Variants in AGAP1 observed in about 807,000 individuals in gnomAD.
AGAP1 encodes arf-GAP with GTPase, ANK repeat and PH domain-containing protein 1.
A neutral mutation model predicts 105.3 loss-of-function variants in AGAP1; 29 were observed. The ratio of observed to expected loss-of-function variants is 0.28; its 90% CI spans 0.21 to 0.38. The LOEUF is 0.38. AGAP1 is among the 10% of genes least tolerant of loss of function. The pLI is 1.00. For missense variants in AGAP1, 998 were observed against 1,165.1 expected (o/e 0.86, Z 2.09); for synonymous variants, 509 against 485.9 (o/e 1.05, Z -0.63).
chr2:235,753,437 G>C lies in AGAP1; in HGVS notation c.673+2949G>C, dbSNP rs1327500404. Among the ~76,000 whole-genome samples, 1 of 152,138 alleles carries C rather than the reference G, an allele frequency of 6.6e-6. No homozygotes were observed. Among genetic ancestry groups the C allele is most frequent in the Non-Finnish European group, 1.5e-5 (1 of 68,020 alleles). On this transcript the variant is annotated intron_variant, in intron 6 of 17. Transcript: ENST00000304032. This position sits in a 1 kb window ranked among gnomAD's most constrained non-coding sequence, Gnocchi z 4.5. ...ATTCGGATTTTGGCTGGGCGCAGTG[G>C]CTCAGGCCTGTAATCCCAACACTTT... is the stretch of plus-strand genomic sequence containing the variant.
At chr2:236,072,959 A>C (rs2058542353) in intron 16 of AGAP1, among the ~76,000 whole-genome samples, 1 of 152,132 alleles carries the variant, frequency 6.6e-6, no homozygotes, top group South Asian at 2.1e-4. Flanking sequence ...TCAATTCAGC[A>C]TAGCAAGCAA....
rs1191428385 is a variant in AGAP1, at chr2:235,750,897, G to C, written c.673+409G>C. On this transcript the variant is annotated intron_variant, in intron 6 of 17. Transcript: ENST00000304032. The surrounding 1 kb of genome is among the most constrained non-coding windows in gnomAD (Gnocchi z 5.3). Reference sequence around the variant, plus strand: ...AATATTTGATATTAGGCTTTGAGAAGAGAACTGAAAGGAGGAGAGAGAGAG... The same window carrying C: ...AATATTTGATATTAGGCTTTGAGAACAGAACTGAAAGGAGGAGAGAGAGAG... 6.6e-6 allele frequency among the ~76,000 whole-genome samples: 1 copy of C among 152,166 alleles called. No homozygotes were observed. Among genetic ancestry groups the C allele is most frequent in the Non-Finnish European group, 1.5e-5 (1 of 68,032 alleles).
rs1424869487 is a variant in AGAP1, at chr2:235,549,569, C to T, written c.163+54720C>T. Among the ~76,000 whole-genome samples the T allele has an allele frequency of 9.9e-5, 15 of 152,178 alleles. No individual in the cohort carries two copies. Among genetic ancestry groups the T allele is most frequent in the Non-Finnish European group, 2.1e-4 (14 of 68,038 alleles). Reference sequence around the variant, plus strand: ...AGAGTTGCATTGCTCCTCCGTCTTCCGCGTGCCTGTGGGCAGCTTTTGTTC... The same window carrying T: ...AGAGTTGCATTGCTCCTCCGTCTTCTGCGTGCCTGTGGGCAGCTTTTGTTC... On this transcript the variant is annotated intron_variant, in intron 1 of 17. Transcript: ENST00000304032. The surrounding 1 kb of genome is among the most constrained non-coding windows in gnomAD (Gnocchi z 4.2).
intron 6 of AGAP1, among the ~76,000 whole-genome samples, chr2:235,794,376 A>G (rs537694313): frequency 6.6e-6 from 1 of 152,316 alleles, no homozygotes; most frequent in East Asian, 1.9e-4. Flanking sequence ...ACCGTTTTAG[A>G]TTTGGGAGTA....
rs549070136 is a variant in AGAP1 at position 235,642,897 on chromosome 2, G to A, written c.164-66282G>A. ...TCGTGGCCTAGACTGTGGTGTTTGG[G>A]GCCGCCTGTCTGTAATGTGCTGCCA... On this transcript the variant is annotated intron_variant, in intron 1 of 17. Transcript: ENST00000304032. This position sits in a 1 kb window ranked among gnomAD's most constrained non-coding sequence, Gnocchi z 4.1. Among the ~76,000 whole-genome samples, 1 of 152,210 alleles carries A rather than the reference G, an allele frequency of 6.6e-6. No individual in the cohort carries two copies. Among genetic ancestry groups the A allele is most frequent in the African/African-American group, 2.4e-5 (1 of 41,458 alleles).
In AGAP1 at chr2:235,549,701, T is replaced by C. The variant is rs1943740975; in HGVS notation, c.163+54852T>C. Among the ~76,000 whole-genome samples, 1 of 152,230 alleles carries C rather than the reference T, an allele frequency of 6.6e-6. No individual in the cohort carries two copies. Among genetic ancestry groups the C allele is most frequent in the African/African-American group, 2.4e-5 (1 of 41,456 alleles). On this transcript the variant is annotated intron_variant, in intron 1 of 17. Coordinates refer to ENST00000304032, the MANE Select transcript of AGAP1 (RefSeq NM_001037131.3). The surrounding 1 kb of genome is among the most constrained non-coding windows in gnomAD (Gnocchi z 4.2). Reference sequence around the variant, plus strand: ...GCACCTGGCAAATGTATTGATACTTTACGAGCATTCACATGCATTTAAGAG... The same window carrying C: ...GCACCTGGCAAATGTATTGATACTTCACGAGCATTCACATGCATTTAAGAG...
At chr2:235,774,844 T>C (rs1955740219) in intron 6 of AGAP1, among the ~76,000 whole-genome samples, 1 of 152,192 alleles carries the variant, frequency 6.6e-6, no homozygotes, top group Non-Finnish European at 1.5e-5. Flanking sequence ...TGGGTTGATC[T>C]GAGTGATTGG....
In AGAP1 at chr2:235,600,994, T is replaced by C. The variant is rs1364603540; in HGVS notation, c.163+106145T>C. Among the ~76,000 whole-genome samples the C allele has an allele frequency of 6.6e-6, 1 of 151,508 alleles. No homozygotes were observed. The highest frequency in any genetic ancestry group is 1.5e-5 in the Non-Finnish European group (1 of 68,042). On this transcript the variant is annotated intron_variant, in intron 1 of 17. Coordinates refer to ENST00000304032, the MANE Select transcript of AGAP1 (RefSeq NM_001037131.3). This position sits in a 1 kb window ranked among gnomAD's most constrained non-coding sequence, Gnocchi z 4.8. The stretch of plus-strand genomic sequence containing the variant: ...GTTCTGGCCCCAGATCTCAGAGTCC[T>C]GGTAACGCCTCTCCTCTTCTCACTG...
At chr2:235,713,163 A>G (rs1484585203) in intron 2 of AGAP1, among the ~76,000 whole-genome samples, 1 of 152,300 alleles carries the variant, frequency 6.6e-6, no homozygotes, top group South Asian at 2.1e-4. Flanking sequence ...GTTTTGGAGC[A>G]TTTTCTTCCT....
At chr2:235,814,500 C>G (rs985585239) in intron 9 of AGAP1, among the ~76,000 whole-genome samples, 3 of 152,188 alleles carry the variant, frequency 2.0e-5, no homozygotes, top group Admixed American at 2.0e-4. Flanking sequence ...CAACTAGTAA[C>G]AATTGTTCAC....
chr2:235,939,584 T>TTGCTGTCCC (rs1553684515), intron 12 of AGAP1, among the ~76,000 whole-genome samples: 1 of 151,326 alleles, frequency 6.6e-6, no homozygotes, highest in African/African-American at 2.4e-5. Context: ...TCGTCTGTCC[T>TTGCTGTCCC]CAGCTACCAC....
chr2:235,937,334 C>T (rs549474463), intron 12 of AGAP1, among the ~76,000 whole-genome samples: 20 of 152,320 alleles, frequency 1.3e-4, no homozygotes, highest in African/African-American at 4.1e-4. Flanking sequence ...CAGGCAGAAG[C>T]GTCCTGGGGT....
At chr2:235,802,683 T>TTG (rs1412540822) in intron 8 of AGAP1, among the ~76,000 whole-genome samples, 4 of 150,524 alleles carry the variant, frequency 2.7e-5, no homozygotes, top group African/African-American at 1.0e-4. Flanking sequence ...GTGATGATGG[T>TTG]TGTGGTGGTG....
chr2:235,540,626 C>A (rs116304370), intron 1 of AGAP1, among the ~76,000 whole-genome samples: 1,556 of 152,294 alleles, frequency 0.01, 18 homozygotes, highest in African/African-American at 0.035. Flanking sequence ...TGGAGAAAAT[C>A]TCTACAAAAT....
In AGAP1 at chr2:235,797,754, A is replaced by G. The variant is rs1253174031; in HGVS notation, c.674-5A>G. 5 of 1,614,172 alleles carry G rather than the reference A, an allele frequency of 3.1e-6. No individual in the cohort carries two copies. Among genetic ancestry groups the G allele is most frequent in the South Asian group, 1.1e-5 (1 of 91,082 alleles). On this transcript the variant is annotated splice_polypyrimidine_tract_variant and splice_region_variant and intron_variant, in intron 6 of 17. Coordinates refer to ENST00000304032, the MANE Select transcript of AGAP1 (RefSeq NM_001037131.3). ...TGGATTTCTTTTTGTCTGTGTGTCC[A>G]CCAGTTGCCCAGAAGATTGTTGCCA... is the stretch of plus-strand genomic sequence containing the variant.
chr2:235,628,819 T>G (rs958777917), intron 1 of AGAP1, among the ~76,000 whole-genome samples: 3 of 152,096 alleles, frequency 2.0e-5, no homozygotes, highest in Non-Finnish European at 4.4e-5. Context: ...ATCATTCTTT[T>G]TTTGTTTGTT....
chr2:235,827,362 G>T (rs939148465), intron 9 of AGAP1, among the ~76,000 whole-genome samples: 1 of 152,140 alleles, frequency 6.6e-6, no homozygotes, highest in African/African-American at 2.4e-5. Flanking sequence ...TGACCCACGT[G>T]GCTGAAGGGC....
intron 9 of AGAP1, among the ~76,000 whole-genome samples, chr2:235,848,222 C>G (rs1961740229): frequency 6.6e-6 from 1 of 152,206 alleles, no homozygotes; most frequent in South Asian, 2.1e-4. Flanking sequence ...GGGCATGGTC[C>G]TATCTTGGCC....
intron 12 of AGAP1, among the ~76,000 whole-genome samples, chr2:235,938,373 G>A (rs1010694774): frequency 2.0e-5 from 3 of 152,216 alleles, no homozygotes; most frequent in Admixed American, 6.5e-5. Context: ...CCACCCGACC[G>A]CCTCCAAGAA....
Sources: gnomAD v4.1 joint callset for allele counts (sites outside exome capture counted in the v4.1 genomes callset) on GRCh38, gnomAD v4.1.1 for gene constraint, Gnocchi (gnomAD v3.1) non-coding constraint, MANE v1.5 for transcripts, NCBI Gene and HGNC (gene_info 2026-07-23, HGNC 2026-07-21) for gene names.